Variants in SLCO3A1 observed in about 807,000 individuals in gnomAD.
The protein encoded by SLCO3A1 is PGE1 transporter.
A neutral mutation model predicts 63.1 loss-of-function variants in SLCO3A1; 27 were observed. The observed-to-expected ratio is 0.43, with a 90% CI of 0.32 to 0.59. SLCO3A1 has a LOEUF of 0.59. Among genes scored for constraint, SLCO3A1 ranks in the 20% least tolerant of loss-of-function variants. The pLI, the probability that SLCO3A1 is intolerant of heterozygous loss-of-function variation, is 0.09. For synonymous variants in SLCO3A1, 473 were observed against 409.9 expected, an observed-to-expected ratio of 1.15 and a Z score of -1.86; for missense variants, 773 against 945.8, an observed-to-expected ratio of 0.82 and a Z score of 2.40.
At chr15:92,070,653 T>C (rs891611355) in intron 2 of SLCO3A1, among the ~76,000 whole-genome samples, 1 of 151,710 alleles carries the variant, frequency 6.6e-6, no homozygotes, top group Non-Finnish European at 1.5e-5. Flanking sequence ...TTTTTTTTTT[T>C]TTTTTTTTGA....
intron 1 of SLCO3A1, among the ~76,000 whole-genome samples, chr15:91,868,476 T>C (rs775966375): frequency 7.1e-4 from 107 of 150,730 alleles, no homozygotes; most frequent in Non-Finnish European, 1.3e-3. Flanking sequence ...AAAAAATCCA[T>C]AATTCAGAGA....
At position 92,035,265 on chromosome 15, in the gene SLCO3A1, G is replaced by T. The variant is rs1007740381; in HGVS notation, c.647-59616G>T. Among the ~76,000 whole-genome samples, 28 of 151,810 alleles carry T rather than the reference G, an allele frequency of 1.8e-4. 1 individual carries two copies. The highest frequency in any genetic ancestry group is 2.6e-4 in the Admixed American group (4 of 15,210). ...TGACCCCAAATCAAAATTGCTCTGT[G>T]CTGTATATGTTATGTCAATAGCAGC... On this transcript the variant is annotated intron_variant, in intron 2 of 9. Transcript: ENST00000318445.
chr15:91,949,826 G>A (rs565579063), intron 2 of SLCO3A1, among the ~76,000 whole-genome samples: 47 of 151,988 alleles, frequency 3.1e-4, no homozygotes, highest in African/African-American at 1.1e-3. Flanking sequence ...GTGAGACCCC[G>A]GCTTTAATAA....
Position 92,126,272 on chromosome 15 carries a change from A to C in SLCO3A1, c.1373+13A>C. ...CCTATGGAAACAGGTGAGTACTGGC[A>C]GTGTCTGCCGCCTTCCTGCCTGTTC... is the stretch of plus-strand genomic sequence containing the variant. On this transcript the variant is annotated intron_variant, in intron 6 of 9. Coordinates refer to ENST00000318445, the MANE Select transcript of SLCO3A1 (RefSeq NM_013272.4). The C allele has an allele frequency of 1.9e-6, 3 of 1,611,470 alleles. No homozygotes were observed. Among genetic ancestry groups the C allele is most frequent in the Non-Finnish European group, 1.7e-6 (2 of 1,177,726 alleles).
intron 1 of SLCO3A1, among the ~76,000 whole-genome samples, chr15:91,867,731 T>C (rs1446101296): frequency 6.6e-6 from 1 of 152,154 alleles, no homozygotes; most frequent in Non-Finnish European, 1.5e-5. Flanking sequence ...GAGAGGCCAC[T>C]CCTCCCTGGA....
At chr15:92,014,573 G>C (rs7498017) in intron 2 of SLCO3A1, among the ~76,000 whole-genome samples, 100,431 of 151,978 alleles carry the variant, frequency 0.66, 34,100 homozygotes, top group African/African-American at 0.83. Context: ...TGGGAAAATG[G>C]AAACCTGCCC....
In SLCO3A1 at chr15:91,859,104, G is replaced by A. The variant is rs1457921341; in HGVS notation, c.180+5016G>A. Among the ~76,000 whole-genome samples the A allele has an allele frequency of 2.0e-5, 3 of 152,150 alleles. No individual in the cohort carries two copies. Among genetic ancestry groups the A allele is most frequent in the South Asian group, 2.1e-4 (1 of 4,824 alleles). ...CCGCATGCATTGCATATTTACATAC[G>A]TGTTTGTGTACAGCGTTGCATACAA... On this transcript the variant is annotated intron_variant, in intron 1 of 9. Transcript: ENST00000318445. This position sits in a 1 kb window ranked among gnomAD's most constrained non-coding sequence, Gnocchi z 5.1.
At chr15:91,880,840 G>C (rs1417945830) in intron 1 of SLCO3A1, among the ~76,000 whole-genome samples, 1 of 152,164 alleles carries the variant, frequency 6.6e-6, no homozygotes, top group Non-Finnish European at 1.5e-5. Flanking sequence ...TAAAAGCACA[G>C]AATCAGGAAG....
At chr15:91,896,986 C>T (rs1898021486) in intron 1 of SLCO3A1, among the ~76,000 whole-genome samples, 1 of 152,098 alleles carries the variant, frequency 6.6e-6, no homozygotes, top group Non-Finnish European at 1.5e-5. Flanking sequence ...CTGTCTCTGC[C>T]CCTTGTAGCT....
At chr15:92,028,235 T>C (rs1298985679) in intron 2 of SLCO3A1, among the ~76,000 whole-genome samples, 1 of 152,042 alleles carries the variant, frequency 6.6e-6, no homozygotes, top group East Asian at 1.9e-4. Flanking sequence ...CCTGGGAATT[T>C]CCACAAGTCC....
At chr15:92,111,757 T>C (rs2047732103) in intron 4 of SLCO3A1, among the ~76,000 whole-genome samples, 1 of 152,190 alleles carries the variant, frequency 6.6e-6, no homozygotes, top group African/African-American at 2.4e-5. Context: ...TTTGTTGATA[T>C]TCCTGGAGTG....
Position 92,012,386 on chromosome 15 carries a change from C to T in SLCO3A1, c.647-82495C>T, listed in dbSNP as rs149811516. On this transcript the variant is annotated intron_variant, in intron 2 of 9. Coordinates refer to ENST00000318445, the MANE Select transcript of SLCO3A1 (RefSeq NM_013272.4). ...AGTGAAGGTTTTCAAGGTCCCTTCCCAGCCCACAGTTCTGGGAATTTAGTC... is the reference window on the plus strand; with the variant it reads ...AGTGAAGGTTTTCAAGGTCCCTTCCTAGCCCACAGTTCTGGGAATTTAGTC... Among the ~76,000 whole-genome samples, 976 of 152,234 alleles carry T rather than the reference C, an allele frequency of 6.4e-3. 8 individuals are homozygous for T. The highest frequency in any genetic ancestry group is 0.022 in the African/African-American group (931 of 41,530).
intron 1 of SLCO3A1, among the ~76,000 whole-genome samples, chr15:91,907,131 G>A (rs566330325): frequency 6.6e-6 from 1 of 152,334 alleles, no homozygotes; most frequent in East Asian, 1.9e-4. Context: ...TGAGGAAGGT[G>A]CAAATAGTGA....
chr15:91,985,222 A>G (rs1230888261), intron 2 of SLCO3A1, among the ~76,000 whole-genome samples: 2 of 152,180 alleles, frequency 1.3e-5, no homozygotes, highest in East Asian at 3.8e-4. Context: ...GAATGAAATG[A>G]TGGCATCTAT....
At chr15:91,946,199 G>C (rs990162958) in intron 2 of SLCO3A1, among the ~76,000 whole-genome samples, 10 of 152,188 alleles carry the variant, frequency 6.6e-5, no homozygotes, top group Non-Finnish European at 1.2e-4. Flanking sequence ...AGAAGACTTA[G>C]AGATAATTAG....
chr15:92,074,654 G>A (rs1416877019), intron 2 of SLCO3A1, among the ~76,000 whole-genome samples: 1 of 152,134 alleles, frequency 6.6e-6, no homozygotes, highest in Non-Finnish European at 1.5e-5. Flanking sequence ...GATTTCTCTA[G>A]AGGAACACAC....
chr15:91,885,606 T>C lies in SLCO3A1; in HGVS notation c.181-30387T>C, dbSNP rs748559326. On this transcript the variant is annotated intron_variant, in intron 1 of 9. Transcript: ENST00000318445. This position sits in a 1 kb window ranked among gnomAD's most constrained non-coding sequence, Gnocchi z 4.7. ...TGGTTGGTTTGTAGCATTTATACAA[T>C]ATCAACCCTTAAACTGATGGCCCTT... Among the ~76,000 whole-genome samples, 9 of 151,740 alleles carry C rather than the reference T, an allele frequency of 5.9e-5. No individual in the cohort carries two copies. Among genetic ancestry groups the C allele is most frequent in the Non-Finnish European group, 1.3e-4 (9 of 67,788 alleles).
chr15:91,985,917 C>T (rs1212579304), intron 2 of SLCO3A1, among the ~76,000 whole-genome samples: 1 of 152,102 alleles, frequency 6.6e-6, no homozygotes, highest in East Asian at 1.9e-4. Flanking sequence ...TGGGGGAGGC[C>T]TTCGAGGAGC....
At chr15:92,104,601 T>C in intron 4 of SLCO3A1, 59 bp downstream of exon 4, 2 of 1,549,930 alleles carry the variant, frequency 1.3e-6, no homozygotes, top group Non-Finnish European at 1.7e-6. Context: ...ATGGGGGTGA[T>C]GAATGAAGGG....
Sources: gnomAD v4.1 joint callset for allele counts (sites outside exome capture counted in the v4.1 genomes callset) on GRCh38, gnomAD v4.1.1 for gene constraint, Gnocchi (gnomAD v3.1) non-coding constraint, MANE v1.5 for transcripts, NCBI Gene and HGNC (gene_info 2026-07-23, HGNC 2026-07-21) for gene names.